MSR1: variants seen among roughly 807,000 people sequenced by gnomAD.
MSR1 encodes the protein macrophage scavenger receptor types I and II.
In MSR1, 53 loss-of-function variants were observed where a neutral mutation model predicts 47.2. The ratio of observed to expected loss-of-function variants is 1.12; its 90% CI spans 0.90 to 1.41. The LOEUF (loss-of-function observed/expected upper bound fraction) is 1.41, where lower values mean the gene tolerates loss of function less well. MSR1 is among the 40% of genes most tolerant of loss of function. MSR1 has a pLI of 0.00. For synonymous variants in MSR1, 239 were observed against 185.6 expected (o/e 1.29, Z -2.34); for missense variants, 786 against 546.9 (o/e 1.44, Z -4.36).
At chr8:16,116,266 T>C (rs1799874609) in intron 9 of MSR1, among the ~76,000 whole-genome samples, 1 of 152,138 alleles carries the variant, frequency 6.6e-6, no homozygotes, top group Non-Finnish European at 1.5e-5. Context: ...CTCATTTTAT[T>C]GGAAAGGAAA....
chr8:16,174,037 G>A (rs772001644), intron 3 of MSR1, among the ~76,000 whole-genome samples: 8 of 152,238 alleles, frequency 5.3e-5, no homozygotes, highest in African/African-American at 9.6e-5. Context: ...ACTCGGGTTC[G>A]GAAGTCTTGG....
At chr8:16,134,938 A>G (rs902122312) in intron 8 of MSR1, among the ~76,000 whole-genome samples, 1 of 152,204 alleles carries the variant, frequency 6.6e-6, no homozygotes, top group African/African-American at 2.4e-5. Context: ...CCTCTCTTCA[A>G]TTCTATGGAG....
chr8:16,128,252 A>G (rs1248193796), intron 8 of MSR1, among the ~76,000 whole-genome samples: 2 of 152,112 alleles, frequency 1.3e-5, no homozygotes, highest in Admixed American at 6.6e-5. Flanking sequence ...TATGTACTGA[A>G]TTGTGTCGCT....
chr8:16,151,104 G>T (rs539370463), intron 6 of MSR1, among the ~76,000 whole-genome samples: 1 of 151,854 alleles, frequency 6.6e-6, no homozygotes, highest in Non-Finnish European at 1.5e-5. Flanking sequence ...AACAGTTTAG[G>T]CATCTTATTT....
chr8:16,123,185 C>A (rs759425267), intron 8 of MSR1, among the ~76,000 whole-genome samples: 8 of 152,180 alleles, frequency 5.3e-5, no homozygotes, highest in Middle Eastern at 3.4e-3. Context: ...CTTGGGTATG[C>A]TGATCCATAT....
chr8:16,169,448 G>C (rs1801418574), intron 3 of MSR1, among the ~76,000 whole-genome samples: 1 of 152,086 alleles, frequency 6.6e-6, no homozygotes, highest in Admixed American at 6.5e-5. Context: ...GGTGGAGCAG[G>C]AAATTGGGCA....
In MSR1 at chr8:16,122,179, TA is replaced by T. The variant is rs552855237; in HGVS notation, c.1034-1574del. Among the ~76,000 whole-genome samples, 387 of 152,234 alleles carry T rather than the reference TA, an allele frequency of 2.5e-3. 2 individuals carry two copies. The highest frequency in any genetic ancestry group is 4.4e-3 in the Non-Finnish European group (298 of 67,986). On this transcript the variant is annotated intron_variant, in intron 8 of 9. Coordinates refer to ENST00000262101, the MANE Select transcript of MSR1 (RefSeq NM_138715.3). ...CCTTCTTCACTTAATAAGCATAAGT[TA>T]AAAACACTTTAAAACATGAAAATAA...
chr8:16,167,579 T>C (rs1042992652), intron 4 of MSR1, among the ~76,000 whole-genome samples: 6 of 151,816 alleles, frequency 4.0e-5, no homozygotes, highest in African/African-American at 1.5e-4. Context: ...ACAAAAACAT[T>C]CCATGGTCTC....
At chr8:16,135,766 G>A (rs1800373675) in intron 8 of MSR1, among the ~76,000 whole-genome samples, 1 of 152,138 alleles carries the variant, frequency 6.6e-6, no homozygotes, top group Non-Finnish European at 1.5e-5. Flanking sequence ...ATTCATGGGA[G>A]AAGGTCAAAG....
chr8:16,146,945 T>C (rs965293605), intron 7 of MSR1, among the ~76,000 whole-genome samples: 4 of 152,166 alleles, frequency 2.6e-5, no homozygotes, highest in Admixed American at 2.0e-4. Context: ...AGTAAACGTG[T>C]TGAATTAATA....
chr8:16,153,432 G>T (rs149240497), intron 6 of MSR1, among the ~76,000 whole-genome samples: 175 of 152,014 alleles, frequency 1.2e-3, no homozygotes, highest in African/African-American at 4.1e-3. Flanking sequence ...ATTACCCCAG[G>T]AACTCGACCT....
In MSR1 at chr8:16,192,617, A is replaced by G; in HGVS notation, c.-24T>C. 1 of 152,142 alleles carries G rather than the reference A, an allele frequency of 6.6e-6. No individual in the cohort carries two copies. The highest frequency in any genetic ancestry group is 2.1e-4 in the South Asian group (1 of 4,830). The allele number at this position is 152,142 out of a possible 1,614,324, so 9.4% of individuals were successfully genotyped here. A position where few individuals can be genotyped will look rare whatever the true frequency, so the allele number is the denominator to read the frequency against. On this transcript the variant is annotated 5_prime_UTR_variant, in exon 1 of 10. Coordinates refer to ENST00000262101, the MANE Select transcript of MSR1 (RefSeq NM_138715.3). Reference sequence around the variant, plus strand: ...CTTTACCTTTCGTCCTAAAGAAAGCAGCACTGATTTATCCACTTCTCTCTC... The same window carrying G: ...CTTTACCTTTCGTCCTAAAGAAAGCGGCACTGATTTATCCACTTCTCTCTC...
chr8:16,177,957 T>C lies in MSR1; in HGVS notation c.32A>G (p.Gln11Arg). The change falls in exon 2 of 10, where the codon CAG becomes CGG. Residue 11 changes from glutamine (Q) to arginine (R), a missense_variant. Gln to Arg is a conservative substitution (Grantham distance 43, BLOSUM62 1). Coordinates refer to ENST00000262101, the MANE Select transcript of MSR1 (RefSeq NM_138715.3). ...TTCGGAGCAGCTATCAGTGTCCTCC[T>C]GTTGATTGTGAAAGTGATCCCACTG... MEQWDHFHNQ[Q>R]EDTDSCSESV... 6.2e-7 allele frequency: 1 copy of C among 1,613,952 alleles called. No homozygotes were observed.
At chr8:16,128,912 CTG>C (rs1800190824) in intron 8 of MSR1, among the ~76,000 whole-genome samples, 2 of 152,092 alleles carry the variant, frequency 1.3e-5, no homozygotes, top group African/African-American at 4.8e-5. Context: ...AGCTTACACT[CTG>C]TGATTGATAA....
chr8:16,162,256 G>C (rs1382329865), intron 5 of MSR1, among the ~76,000 whole-genome samples: 1 of 151,948 alleles, frequency 6.6e-6, no homozygotes, highest in Admixed American at 6.6e-5. Flanking sequence ...CACACTGATA[G>C]AAGGAATCAA....
intron 6 of MSR1, among the ~76,000 whole-genome samples, chr8:16,153,691 G>A (rs1800922229): frequency 6.6e-6 from 1 of 151,924 alleles, no homozygotes; most frequent in African/African-American, 2.4e-5. Context: ...ATTCTCCCAA[G>A]ATGAAGCACT....
chr8:16,173,015 G>T (rs565639605), intron 3 of MSR1, among the ~76,000 whole-genome samples: 1 of 152,218 alleles, frequency 6.6e-6, no homozygotes, highest in East Asian at 1.9e-4. Flanking sequence ...GTTGTAAGTG[G>T]ATTGTGAATT....
chr8:16,111,919 T>C (rs966896937), intron 9 of MSR1, among the ~76,000 whole-genome samples: 1 of 152,122 alleles, frequency 6.6e-6, no homozygotes, highest in Non-Finnish European at 1.5e-5. Context: ...AATCAATGAC[T>C]TACTGCAACC....
chr8:16,191,501 C>A (rs1260606668), intron 1 of MSR1, among the ~76,000 whole-genome samples: 3 of 152,060 alleles, frequency 2.0e-5, no homozygotes, highest in African/African-American at 7.2e-5. Context: ...ATATGAATCC[C>A]TGTTATTTTA....
Sources: allele counts gnomAD v4.1 joint callset (sites outside exome capture counted in the v4.1 genomes callset), GRCh38; gene constraint gnomAD v4.1.1; transcripts MANE v1.5; gene names NCBI Gene and HGNC (gene_info 2026-07-23, HGNC 2026-07-21).